Variants in ASRGL1 observed in about 807,000 individuals in gnomAD.
ASRGL1 encodes the protein asparaginase and isoaspartyl peptidase 1, also known as isoaspartyl peptidase/L-asparaginase.
ASRGL1 carries 16 observed loss-of-function variants against 22.4 expected under a neutral mutation model. The observed-to-expected ratio is 0.71, with a 90% CI of 0.48 to 1.08. The LOEUF (loss-of-function observed/expected upper bound fraction) is 1.08, where lower values mean the gene tolerates loss of function less well. Among genes scored for constraint, ASRGL1 ranks in the 50% least tolerant of loss-of-function variants. The pLI, the probability that ASRGL1 is intolerant of heterozygous loss-of-function variation, is 0.00. For synonymous variants in ASRGL1, 165 were observed against 159.3 expected, an observed-to-expected ratio of 1.04 and a Z score of -0.27; for missense variants, 412 against 410.1, an observed-to-expected ratio of 1.00 and a Z score of -0.04.
downstream of ASRGL1, among the ~76,000 whole-genome samples, chr11:62,397,186 C>T (rs908526805): frequency 6.6e-6 from 1 of 152,140 alleles, no homozygotes; most frequent in Non-Finnish European, 1.5e-5. Flanking sequence ...CACGCCACCA[C>T]GCCCAGCTAA....
chr11:62,376,520 G>A (rs952295491), intron 4 of ASRGL1, among the ~76,000 whole-genome samples: 1 of 152,082 alleles, frequency 6.6e-6, no homozygotes, highest in Non-Finnish European at 1.5e-5. Flanking sequence ...TTTCCTTCAT[G>A]TGGGCTGTTC....
chr11:62,390,544 A>G (rs1457723042), intron 5 of ASRGL1, among the ~76,000 whole-genome samples: 1 of 152,260 alleles, frequency 6.6e-6, no homozygotes, highest in East Asian at 1.9e-4. Flanking sequence ...CTGAAAAGTA[A>G]GCAAAGACTT....
chr11:62,396,165 G>A (rs1236222259), downstream of ASRGL1, among the ~76,000 whole-genome samples: 7 of 151,922 alleles, frequency 4.6e-5, no homozygotes, highest in African/African-American at 1.5e-4. Flanking sequence ...AGGTGTAGGC[G>A]TGACCCAGAG....
chr11:62,378,979 G>A (rs1946997949), intron 4 of ASRGL1, among the ~76,000 whole-genome samples: 1 of 151,920 alleles, frequency 6.6e-6, no homozygotes, highest in South Asian at 2.1e-4. Flanking sequence ...CCCTTTCCTG[G>A]TATATATCCC....
At chr11:62,361,202 G>T (rs1168487093) in intron 4 of ASRGL1, among the ~76,000 whole-genome samples, 3 of 151,700 alleles carry the variant, frequency 2.0e-5, no homozygotes, top group African/African-American at 7.3e-5. Flanking sequence ...TTGTTTTTTT[G>T]TTTTTTTGAG....
intron 4 of ASRGL1, among the ~76,000 whole-genome samples, chr11:62,360,443 T>C (rs1218735357): frequency 1.3e-5 from 2 of 152,030 alleles, no homozygotes; most frequent in Admixed American, 1.3e-4. Context: ...CTTAGATTAT[T>C]GAAAATGAGT....
At chr11:62,361,956 G>A (rs1946445526) in intron 4 of ASRGL1, among the ~76,000 whole-genome samples, 1 of 152,084 alleles carries the variant, frequency 6.6e-6, no homozygotes, top group Non-Finnish European at 1.5e-5. Context: ...GTGAAGAATT[G>A]AAAGAAAACT....
chr11:62,354,948 AT>A (rs113051818), intron 2 of ASRGL1, among the ~76,000 whole-genome samples: 25 of 147,930 alleles, frequency 1.7e-4, no homozygotes, highest in East Asian at 3.9e-4. Context: ...GATTTCTTTT[AT>A]TTTTTTTTTT....
At chr11:62,369,919 T>C (rs1051402346) in intron 4 of ASRGL1, among the ~76,000 whole-genome samples, 1 of 152,132 alleles carries the variant, frequency 6.6e-6, no homozygotes, top group Non-Finnish European at 1.5e-5. Context: ...TTGTCTAAGA[T>C]CATTAATTTG....
intron 4 of ASRGL1, chr11:62,372,354 A>G: frequency 1.3e-6 from 2 of 1,571,534 alleles, no homozygotes; most frequent in South Asian, 1.1e-5. Flanking sequence ...CCCTGTGCAG[A>G]TAATGTACAA....
chr11:62,343,666 T>G (rs1157372569), intron 2 of ASRGL1, among the ~76,000 whole-genome samples: 2 of 143,462 alleles, frequency 1.4e-5, no homozygotes, highest in African/African-American at 5.2e-5. Context: ...AGGCAGAGGT[T>G]GTAGTGAGCC....
chr11:62,375,904 C>A (rs571609859), intron 4 of ASRGL1, among the ~76,000 whole-genome samples: 119 of 151,776 alleles, frequency 7.8e-4, no homozygotes, highest in African/African-American at 2.6e-3. Flanking sequence ...GAGATCAAGA[C>A]CAGCCTGACC....
chr11:62,371,597 A>G (rs1946768172), intron 4 of ASRGL1: 2 of 673,940 alleles, frequency 3.0e-6, no homozygotes, highest in Admixed American at 3.6e-5. Flanking sequence ...TTCCTCACAA[A>G]GTGCAAAGGG....
intron 2 of ASRGL1, among the ~76,000 whole-genome samples, chr11:62,348,580 G>A (rs1946090237): frequency 6.6e-6 from 1 of 152,070 alleles, no homozygotes; most frequent in East Asian, 1.9e-4. Context: ...TCTCACGCCA[G>A]TAATCCCAGC....
chr11:62,348,259 A>G (rs549052549), intron 2 of ASRGL1, among the ~76,000 whole-genome samples: 113 of 152,316 alleles, frequency 7.4e-4, no homozygotes, highest in East Asian at 7.3e-3. Flanking sequence ...AAAAAATTTA[A>G]TAGACCACAT....
At position 62,369,535 on chromosome 11, in the gene ASRGL1, A is replaced by C. The variant is rs183128153; in HGVS notation, c.491+12391A>C. ...CTGTCTCTTCGGAGCTGCTGGGTAC[A>C]CCTGCAGACTAGCAACAGACAGAAC... On this transcript the variant is annotated intron_variant, in intron 4 of 6. Coordinates refer to ENST00000415229, the MANE Select transcript of ASRGL1 (RefSeq NM_001083926.2). Among the ~76,000 whole-genome samples the C allele has an allele frequency of 9.9e-5, 15 of 152,204 alleles. No individual in the cohort carries two copies. In the East Asian group the frequency reaches 2.1e-3, roughly 22 times the overall value.
At chr11:62,372,053 G>T in intron 4 of ASRGL1, 1 of 752,310 alleles carries the variant, frequency 1.3e-6, no homozygotes, top group East Asian at 2.5e-5. Context: ...CCTGGCGGGG[G>T]TCCGGGTGCG....
Position 62,372,912 on chromosome 11 carries a change from G to A in ASRGL1, c.491+15768G>A, listed in dbSNP as rs191725905. The A allele has an allele frequency of 7.1e-5, 113 of 1,580,440 alleles. 1 individual carries two copies. In the African/African-American group the frequency reaches 1.4e-3, roughly 20 times the overall value. ...CTGCAGCTGGAGAATCTGGAGCCTGGCTTGTGGGAAGAGCAGCATCATTGT... is the reference window on the plus strand; with the variant it reads ...CTGCAGCTGGAGAATCTGGAGCCTGACTTGTGGGAAGAGCAGCATCATTGT... On this transcript the variant is annotated intron_variant, in intron 4 of 6. Coordinates refer to ENST00000415229, the MANE Select transcript of ASRGL1 (RefSeq NM_001083926.2).
chr11:62,385,246 T>G (rs1303902869), intron 4 of ASRGL1, among the ~76,000 whole-genome samples: 3 of 152,244 alleles, frequency 2.0e-5, no homozygotes, highest in Non-Finnish European at 4.4e-5. Flanking sequence ...TTTTCCTTTT[T>G]ACAAATTTGC....
Sources: gnomAD v4.1 joint callset for allele counts (sites outside exome capture counted in the v4.1 genomes callset) on GRCh38, gnomAD v4.1.1 for gene constraint, MANE v1.5 for transcripts, NCBI Gene and HGNC (gene_info 2026-07-23, HGNC 2026-07-21) for gene names.